The following FGF13 variants were observed in gnomAD, a reference collection of about 807,000 sequenced individuals.
FGF13 encodes fibroblast growth factor homologous factor 2.
In FGF13, 2 loss-of-function variants were observed where a neutral mutation model predicts 19.5. The ratio of observed to expected loss-of-function variants is 0.10; its 90% CI spans 0.04 to 0.32. FGF13 has a LOEUF of 0.32. FGF13 is among the 10% of genes least tolerant of loss of function. The pLI, the probability that FGF13 is intolerant of heterozygous loss-of-function variation, is 1.00. For missense variants in FGF13, 113 were observed against 192.7 expected, an observed-to-expected ratio of 0.59 and a Z score of 2.45; for synonymous variants, 72 against 76.9, an observed-to-expected ratio of 0.94 and a Z score of 0.33.
At chrX:138,830,937 G>C (rs2091068719) in intron 3 of FGF13, among the ~76,000 whole-genome samples, 2 of 110,705 alleles carry the variant, frequency 1.8e-5, no homozygotes, top group African/African-American at 3.3e-5. Context: ...AAGAGCACCA[G>C]TGGGGCAGAA....
chrX:139,089,643 G>A (rs971969893), intron 1 of FGF13, among the ~76,000 whole-genome samples: 5 of 111,453 alleles, frequency 4.5e-5, no homozygotes, highest in Admixed American at 9.5e-5. Context: ...AAATCCTGGA[G>A]CAACTATCTG....
At chrX:138,995,376 G>A (rs1272718860) in intron 1 of FGF13, among the ~76,000 whole-genome samples, 3 of 111,211 alleles carry the variant, frequency 2.7e-5, no homozygotes, top group Non-Finnish European at 5.7e-5. Context: ...AAGTAAACAC[G>A]TGTCACAGGG....
intron 1 of FGF13, among the ~76,000 whole-genome samples, chrX:139,042,443 G>A: frequency 8.9e-6 from 1 of 111,880 alleles, no homozygotes; most frequent in African/African-American, 3.3e-5. Flanking sequence ...CATTGGTAAT[G>A]CCTGCACTCA....
At chrX:138,654,577 C>T (rs2089414148) in intron 3 of FGF13, among the ~76,000 whole-genome samples, 1 of 110,984 alleles carries the variant, frequency 9.0e-6, no homozygotes, top group Admixed American at 9.6e-5. Flanking sequence ...CCCGTCTCTA[C>T]TAAAAATACA....
At chrX:139,120,833 C>T (rs1039128574) in intron 1 of FGF13, among the ~76,000 whole-genome samples, 1 of 112,648 alleles carries the variant, frequency 8.9e-6, no homozygotes, top group East Asian at 2.8e-4. Flanking sequence ...CCTCCTTAGC[C>T]GCAGACTGAA....
chrX:138,666,280 C>T (rs2089543268), intron 3 of FGF13, among the ~76,000 whole-genome samples: 1 of 110,955 alleles, frequency 9.0e-6, no homozygotes, highest in African/African-American at 3.3e-5. Flanking sequence ...ACATATAATA[C>T]ACTGTGTATT....
At chrX:138,741,561 A>C (rs1488360985), upstream of FGF13, among the ~76,000 whole-genome samples, 1 of 111,266 alleles carries the variant, frequency 9.0e-6, no homozygotes, top group African/African-American at 3.3e-5. Flanking sequence ...TCAGTACCCC[A>C]TGCTCCTACC....
intron 3 of FGF13, among the ~76,000 whole-genome samples, chrX:138,827,510 T>C (rs780278953): frequency 8.9e-6 from 1 of 112,121 alleles, no homozygotes; most frequent in South Asian, 3.7e-4. Context: ...TAGGTGAGTA[T>C]TTCATTTGGG....
chrX:138,755,556 A>C (rs181663069), intron 3 of FGF13, among the ~76,000 whole-genome samples: 26 of 112,866 alleles, frequency 2.3e-4, no homozygotes, highest in African/African-American at 8.3e-4. Context: ...ATGGTTATTA[A>C]ATAACAAATA....
At chrX:138,691,111 A>C (rs1379151103) in intron 3 of FGF13, among the ~76,000 whole-genome samples, 1 of 111,140 alleles carries the variant, frequency 9.0e-6, no homozygotes, top group Non-Finnish European at 1.9e-5. Context: ...AGAGCAATGA[A>C]GGGAGTTTTC....
At chrX:138,637,986 A>C (rs1160946957) in intron 3 of FGF13, among the ~76,000 whole-genome samples, 1 of 111,138 alleles carries the variant, frequency 9.0e-6, no homozygotes, top group Admixed American at 9.6e-5. Flanking sequence ...CTCACTTAAC[A>C]CTTCAGAGGG....
chrX:139,068,986 G>C (rs1338001173), intron 1 of FGF13, among the ~76,000 whole-genome samples: 6 of 108,101 alleles, frequency 5.6e-5, no homozygotes, highest in Non-Finnish European at 9.6e-5. Flanking sequence ...AGGATGTGGA[G>C]AAATAGGAAC....
rs781032039 is a variant in FGF13, at chrX:139,113,641, C to T, written c.-113+89775G>A. 3.6e-5 allele frequency among the ~76,000 whole-genome samples: 4 copies of T among 112,351 alleles called. No individual in the cohort carries two copies. In the South Asian group the frequency reaches 1.5e-3, roughly 42 times the overall value. On this transcript the variant is annotated intron_variant, in intron 1 of 2. Transcript: ENST00000421460. ...CTTAAAATACGTGGTTACATTTTAA[C>T]AAATCACCTCTTTACCCTTTAGTAA... is the stretch of plus-strand genomic sequence containing the variant.
chrX:139,043,464 C>T (rs1418736266), intron 1 of FGF13, among the ~76,000 whole-genome samples: 4 of 110,844 alleles, frequency 3.6e-5, no homozygotes, highest in Admixed American at 9.6e-5. Flanking sequence ...CCGCCCGCCT[C>T]GGCTTCCCAA....
At chrX:139,018,638 G>C (rs931010097) in intron 1 of FGF13, among the ~76,000 whole-genome samples, 1 of 111,241 alleles carries the variant, frequency 9.0e-6, no homozygotes, top group African/African-American at 3.3e-5. Context: ...ACTCTGTCCA[G>C]GTCCAAGACC....
chrX:138,837,335 G>C (rs1009362033), intron 3 of FGF13, among the ~76,000 whole-genome samples: 1 of 111,927 alleles, frequency 8.9e-6, no homozygotes, highest in African/African-American at 3.3e-5. Context: ...ATCCCAGGGA[G>C]AGCTGAGACG....
intron 1 of FGF13, among the ~76,000 whole-genome samples, chrX:138,947,933 A>G (rs1474655810): frequency 8.9e-6 from 1 of 111,739 alleles, no homozygotes; most frequent in Non-Finnish European, 1.9e-5. Flanking sequence ...GCACAGAGGA[A>G]AGACCATGTG....
At chrX:138,688,583 AC>A (rs2089808584) in intron 3 of FGF13, among the ~76,000 whole-genome samples, 1 of 110,597 alleles carries the variant, frequency 9.0e-6, no homozygotes, top group African/African-American at 3.3e-5. Flanking sequence ...TACCACGTGT[AC>A]CCCCTAAATA....
At chrX:138,984,846 A>G (rs867248070) in intron 1 of FGF13, among the ~76,000 whole-genome samples, 1 of 36,810 alleles carries the variant, frequency 2.7e-5, no homozygotes, top group African/African-American at 6.9e-5. Flanking sequence ...GTGTGTTTTA[A>G]TTTTTGTATT....
Sources: gnomAD v4.1 joint callset for allele counts (sites outside exome capture counted in the v4.1 genomes callset) on GRCh38, gnomAD v4.1.1 for gene constraint, MANE v1.5 for transcripts, NCBI Gene and HGNC (gene_info 2026-07-23, HGNC 2026-07-21) for gene names.